The following CRMP1 variants were observed in gnomAD, a reference collection of about 807,000 sequenced individuals.
CRMP1 encodes collapsin response mediator protein 1.
A neutral mutation model predicts 68.3 loss-of-function variants in CRMP1; 19 were observed. That is an observed-to-expected ratio of 0.28 (90% confidence interval 0.19 to 0.41). CRMP1 has a LOEUF of 0.41. Among genes scored for constraint, CRMP1 ranks in the 10% least tolerant of loss-of-function variants. CRMP1 has a pLI of 1.00. For synonymous variants in CRMP1, 439 were observed against 399.6 expected (o/e 1.10, Z -1.18); for missense variants, 791 against 967.4 (o/e 0.82, Z 2.42).
intron 8 of CRMP1, among the ~76,000 whole-genome samples, chr4:5,839,922 C>A (rs13144677): frequency 0.4 from 60,261 of 152,142 alleles, 12,460 homozygotes; most frequent in African/African-American, 0.52. Flanking sequence ...ACTCACCCAG[C>A]AACCTGTGGA....
At chr4:5,826,022 A>C in intron 12 of CRMP1, 1 of 305,936 alleles carries the variant, frequency 3.3e-6, no homozygotes. Flanking sequence ...CACACACTTA[A>C]ATCACATACA....
intron 1 of CRMP1, among the ~76,000 whole-genome samples, chr4:5,885,140 G>A (rs752254647): frequency 1.3e-5 from 2 of 152,142 alleles, no homozygotes; most frequent in Non-Finnish European, 1.5e-5. Context: ...AAAAGAGGAA[G>A]ACACCACCAT....
At chr4:5,869,614 G>A (rs1017743936) in intron 1 of CRMP1, among the ~76,000 whole-genome samples, 2 of 149,720 alleles carry the variant, frequency 1.3e-5, no homozygotes, top group African/African-American at 4.9e-5. Flanking sequence ...AACCCGGAAC[G>A]CAGAGCTTGC....
intron 4 of CRMP1, 82 bp from the exon 5 acceptor site, chr4:5,851,551 G>T: frequency 7.3e-7 from 1 of 1,374,672 alleles, no homozygotes. Context: ...TGACCACAGA[G>T]CAGAGTGGTA....
intron 1 of CRMP1, among the ~76,000 whole-genome samples, chr4:5,876,834 G>C (rs1714875472): frequency 6.6e-6 from 1 of 151,904 alleles, no homozygotes; most frequent in South Asian, 2.1e-4. Flanking sequence ...TCCCATCGGG[G>C]CTTTTATCAA....
intron 1 of CRMP1, among the ~76,000 whole-genome samples, chr4:5,878,433 A>ATCC (rs879647539): frequency 4.6e-5 from 7 of 152,208 alleles, no homozygotes; most frequent in Admixed American, 2.6e-4. Flanking sequence ...TGTGGTCAAA[A>ATCC]GTGGTTAAGG....
At chr4:5,833,808 G>C (rs530078998) in intron 11 of CRMP1, among the ~76,000 whole-genome samples, 3 of 152,094 alleles carry the variant, frequency 2.0e-5, no homozygotes, top group African/African-American at 7.2e-5. Context: ...ACTTTGGGAG[G>C]CCCACACGGG....
chr4:5,871,686 A>G (rs1046157960), intron 1 of CRMP1, among the ~76,000 whole-genome samples: 1 of 152,178 alleles, frequency 6.6e-6, no homozygotes, highest in African/African-American at 2.4e-5. Context: ...AAAGAAAAAA[A>G]AAGAAATCTC....
At position 5,836,925 on chromosome 4, in the gene CRMP1, G is replaced by C. The variant is rs1277134889; in HGVS notation, c.1311-19C>G. The C allele has an allele frequency of 2.5e-6, 4 of 1,598,012 alleles. No individual in the cohort carries two copies. The South Asian group carries it at 4.5e-5, about 18-fold the overall frequency. Reference sequence around the variant, plus strand: ...GTCCCCACTGGCAAGGACAAAACAAGGTAGAGTTCAGACCCTAGTTCATTT... The same window carrying C: ...GTCCCCACTGGCAAGGACAAAACAACGTAGAGTTCAGACCCTAGTTCATTT... On this transcript the variant is annotated intron_variant, in intron 9 of 13. Coordinates refer to ENST00000324989, the MANE Select transcript of CRMP1 (RefSeq NM_001014809.3).
At chr4:5,829,369 A>G (rs1217708830) in intron 11 of CRMP1, among the ~76,000 whole-genome samples, 1 of 152,056 alleles carries the variant, frequency 6.6e-6, no homozygotes, top group African/African-American at 2.4e-5. Flanking sequence ...AGCCTGGGGG[A>G]CAGAGCGAGA....
intron 11 of CRMP1, among the ~76,000 whole-genome samples, chr4:5,831,883 G>C (rs1720404480): frequency 6.6e-6 from 1 of 152,110 alleles, no homozygotes; most frequent in Non-Finnish European, 1.5e-5. Flanking sequence ...CATTTCCCTG[G>C]TCCCCTCCAG....
chr4:5,876,830 CG>C (rs1174002501), intron 1 of CRMP1, among the ~76,000 whole-genome samples: 3 of 150,358 alleles, frequency 2.0e-5, no homozygotes. Flanking sequence ...AAATTCCCAT[CG>C]GGGCTTTTAT....
chr4:5,863,051 A>C (rs1211684828), intron 2 of CRMP1, among the ~76,000 whole-genome samples: 2 of 151,338 alleles, frequency 1.3e-5, no homozygotes, highest in African/African-American at 4.9e-5. Context: ...GAGCTCAAGG[A>C]GTCCTCCTGC....
intron 3 of CRMP1, among the ~76,000 whole-genome samples, chr4:5,857,044 T>C (rs145049819): frequency 4.7e-4 from 31 of 66,194 alleles, no homozygotes; most frequent in South Asian, 1.7e-3. Context: ...CATCCACTAT[T>C]ATCACCACTA....
At chr4:5,848,869 C>A (rs192534569) in intron 6 of CRMP1, among the ~76,000 whole-genome samples, 1 of 152,260 alleles carries the variant, frequency 6.6e-6, no homozygotes, top group East Asian at 1.9e-4. Context: ...AGGCCCCCAC[C>A]CTGATGATCT....
intron 13 of CRMP1, among the ~76,000 whole-genome samples, chr4:5,822,985 C>T (rs918660417): frequency 4.6e-5 from 7 of 152,192 alleles, no homozygotes; most frequent in Admixed American, 1.3e-4. Context: ...CCACTGTACC[C>T]TTTCATACTT....
intron 1 of CRMP1, among the ~76,000 whole-genome samples, chr4:5,874,191 C>T (rs28711120): frequency 0.011 from 1,674 of 152,226 alleles, 34 homozygotes; most frequent in African/African-American, 0.038. Flanking sequence ...CACAAAGATG[C>T]GATCCAGAAT....
At chr4:5,871,994 A>G (rs895874849) in intron 1 of CRMP1, among the ~76,000 whole-genome samples, 2 of 152,192 alleles carry the variant, frequency 1.3e-5, no homozygotes. Flanking sequence ...CCAGGTTCAC[A>G]CAACCAGTAA....
rs867650926 is a variant in CRMP1, at chr4:5,825,643, C to T, written c.1820G>A (p.Gly607Glu). The T allele has an allele frequency of 6.2e-7, 1 of 1,612,024 alleles. No homozygotes were observed. The highest frequency in any genetic ancestry group is 8.5e-7 in the Non-Finnish European group (1 of 1,179,180). ...KIRNKVFGLQ[G>E]VSRGMYDGPV... ...ACCGTCATACATGCCCCTGGAAACC[C>T]CTTGCAATCCAAAAACCTAAACAGA... Residue 607 changes from glycine to glutamate, a missense_variant, in exon 13 of 14, where the codon GGG (glycine) becomes GAG (glutamate). Transcript: ENST00000324989. The surrounding 1 kb of genome is among the most constrained non-coding windows in gnomAD (Gnocchi z 4.4).
Sources: allele counts gnomAD v4.1 joint callset (sites outside exome capture counted in the v4.1 genomes callset), GRCh38; gene constraint gnomAD v4.1.1; non-coding constraint Gnocchi (gnomAD v3.1); transcripts MANE v1.5; gene names NCBI Gene and HGNC (gene_info 2026-07-23, HGNC 2026-07-21).